EVI5: variants seen among roughly 807,000 people sequenced by gnomAD.
EVI5 encodes the protein ecotropic viral integration site 5.
EVI5 carries 73 observed loss-of-function variants against 112.0 expected under a neutral mutation model. That is an observed-to-expected ratio of 0.65 (90% CI 0.54 to 0.79). The LOEUF (loss-of-function observed/expected upper bound fraction) is 0.79. Among genes scored for constraint, EVI5 ranks in the 30% least tolerant of loss-of-function variants. EVI5 has a pLI of 0.00. For missense variants in EVI5, 900 were observed against 968.8 expected (o/e 0.93, Z 0.94); for synonymous variants, 305 against 319.9 (o/e 0.95, Z 0.50).
At chr1:92,663,819 T>C (rs779710413) in intron 11 of EVI5, among the ~76,000 whole-genome samples, 13 of 152,170 alleles carry the variant, frequency 8.5e-5, no homozygotes, top group African/African-American at 1.2e-4. Context: ...ATGTAGCTCA[T>C]TGTAACTGCC....
chr1:92,701,602 C>A (rs1017481557), intron 5 of EVI5, among the ~76,000 whole-genome samples: 12 of 152,046 alleles, frequency 7.9e-5, no homozygotes, highest in Non-Finnish European at 1.6e-4. Context: ...GATTATCCTA[C>A]CCCCGAATTC....
intron 19 of EVI5, among the ~76,000 whole-genome samples, chr1:92,561,554 A>T (rs7548290): frequency 0.37 from 47,551 of 127,294 alleles, 8,545 homozygotes; most frequent in African/African-American, 0.44. Flanking sequence ...GATGAGACTG[A>T]CTATCTATCT....
intron 13 of EVI5, chr1:92,647,576 A>C (rs1383106926): frequency 1.9e-6 from 1 of 538,188 alleles, no homozygotes; most frequent in Non-Finnish European, 3.5e-6. Flanking sequence ...TCTTCTCTGC[A>C]TGTCTGCACA....
intron 3 of EVI5, among the ~76,000 whole-genome samples, chr1:92,704,312 AAATAAT>A (rs940925905): frequency 6.6e-5 from 10 of 152,278 alleles, no homozygotes; most frequent in East Asian, 1.9e-4. Flanking sequence ...AGTCTTTATA[AAATAAT>A]AATAAGTAAA....
intron 19 of EVI5, among the ~76,000 whole-genome samples, chr1:92,534,769 A>T (rs1557731614): frequency 6.6e-6 from 1 of 152,224 alleles, no homozygotes; most frequent in South Asian, 2.1e-4. Flanking sequence ...TACAAAAATT[A>T]ACTCACGATG....
At position 92,753,912 on chromosome 1, in the gene EVI5, C is replaced by T. The variant is rs72956029; in HGVS notation, c.-81-17285G>A. Among the ~76,000 whole-genome samples, 404 of 152,136 alleles carry T rather than the reference C, an allele frequency of 2.7e-3. 1 individual carries two copies. Among genetic ancestry groups the T allele is most frequent in the African/African-American group, 8.7e-3 (360 of 41,496 alleles). ...GGACTTTAGGTTTTTTACATTCTTC[C>T]ATATTTTGAAAAAGAAAAAGGAAAA... On this transcript the variant is annotated intron_variant, in intron 1 of 19. Transcript: ENST00000684568.
intron 19 of EVI5, among the ~76,000 whole-genome samples, chr1:92,536,254 T>C (rs1333744): frequency 0.014 from 2,138 of 152,320 alleles, 17 homozygotes; most frequent in Non-Finnish European, 0.023. Flanking sequence ...TCTCTGTGTG[T>C]ATTAAACAAT....
chr1:92,692,639 C>T (rs1669674514), intron 9 of EVI5, among the ~76,000 whole-genome samples: 1 of 152,176 alleles, frequency 6.6e-6, no homozygotes, highest in African/African-American at 2.4e-5. Context: ...AATCCTCCTG[C>T]CTCAGCCTCC....
chr1:92,736,750 G>C (rs1257796499), intron 1 of EVI5, 123 bp from the exon 2 acceptor site: 6 of 713,282 alleles, frequency 8.4e-6, no homozygotes, highest in Non-Finnish European at 1.4e-5. Context: ...AGGAAGTAAA[G>C]GTAAAACCTG....
intron 18 of EVI5, among the ~76,000 whole-genome samples, chr1:92,588,811 T>C (rs1464077424): frequency 6.6e-6 from 1 of 152,236 alleles, no homozygotes; most frequent in Non-Finnish European, 1.5e-5. Flanking sequence ...GTTTTAAAAT[T>C]AGAATAACAT....
chr1:92,686,025 G>A (rs371249964), intron 9 of EVI5, among the ~76,000 whole-genome samples: 2 of 152,060 alleles, frequency 1.3e-5, no homozygotes, highest in South Asian at 2.1e-4. Flanking sequence ...AGAAAAAGAG[G>A]GAATCCACCT....
At chr1:92,752,418 G>A (rs1198145749) in intron 1 of EVI5, among the ~76,000 whole-genome samples, 2 of 152,020 alleles carry the variant, frequency 1.3e-5, no homozygotes, top group East Asian at 3.9e-4. Context: ...CAAGTGATTT[G>A]CCCGCCTCGA....
intron 4 of EVI5, 54 bp downstream of exon 4, chr1:92,703,341 T>G: frequency 9.1e-7 from 1 of 1,099,776 alleles, no homozygotes; most frequent in Non-Finnish European, 1.3e-6. Context: ...AAATGTATAA[T>G]TTCAACCTTC....
chr1:92,773,276 T>C (rs1405109465), intron 1 of EVI5, among the ~76,000 whole-genome samples: 1 of 151,980 alleles, frequency 6.6e-6, no homozygotes, highest in Non-Finnish European at 1.5e-5. Flanking sequence ...CTGTATTATA[T>C]TCATACAATG....
intron 18 of EVI5, among the ~76,000 whole-genome samples, chr1:92,591,162 C>A (rs1673801353): frequency 6.6e-6 from 1 of 152,126 alleles, no homozygotes; most frequent in African/African-American, 2.4e-5. Context: ...CAAAAACATG[C>A]CAAATTGTAA....
intron 19 of EVI5, among the ~76,000 whole-genome samples, chr1:92,522,229 C>G (rs1158841868): frequency 6.6e-6 from 1 of 152,152 alleles, no homozygotes; most frequent in Non-Finnish European, 1.5e-5. Context: ...CCGTCTTATT[C>G]TTTCATTAAG....
intron 5 of EVI5, among the ~76,000 whole-genome samples, chr1:92,698,335 T>C (rs1670628905): frequency 6.6e-6 from 1 of 152,134 alleles, no homozygotes; most frequent in Non-Finnish European, 1.5e-5. Context: ...GAATTTCTAA[T>C]GGAGGGAGAC....
intron 2 of EVI5, among the ~76,000 whole-genome samples, chr1:92,735,625 TATATG>T (rs1301393343): frequency 5.8e-5 from 8 of 137,370 alleles, no homozygotes; most frequent in South Asian, 2.2e-4. Context: ...AATTATATGA[TATATG>T]ATATATGTCA....
chr1:92,677,075 A>G (rs1666866081), intron 10 of EVI5, 83 bp downstream of exon 10: 3 of 833,962 alleles, frequency 3.6e-6, no homozygotes, highest in Non-Finnish European at 5.9e-6. Context: ...ATTTATGAAT[A>G]TAAGAAGTAC....
Sources: allele counts gnomAD v4.1 joint callset (sites outside exome capture counted in the v4.1 genomes callset), GRCh38; gene constraint gnomAD v4.1.1; transcripts MANE v1.5; gene names NCBI Gene and HGNC (gene_info 2026-07-23, HGNC 2026-07-21).